The following GRID2 variants were observed in gnomAD, a reference collection of about 807,000 sequenced individuals.
GRID2 encodes glutamate receptor ionotropic, delta-2.
In GRID2, 33 loss-of-function variants were observed where a neutral mutation model predicts 114.8. The observed-to-expected ratio is 0.29, with a 90% CI of 0.22 to 0.38. The LOEUF (loss-of-function observed/expected upper bound fraction) is 0.38, where lower values mean the gene tolerates loss of function less well. Ranked by LOEUF, GRID2 falls within the 10% of genes least tolerant of loss-of-function variation. GRID2 has a pLI of 1.00. For synonymous variants in GRID2, 505 were observed against 449.9 expected (o/e 1.12, Z -1.55); for missense variants, 1,184 against 1,257.7 (o/e 0.94, Z 0.89).
rs1156659857 is a variant in GRID2, at chr4:93,422,771, G to A, written c.1348G>A (p.Glu450Lys). Residue 450 changes from glutamate to lysine, a missense_variant and splice_region_variant, in exon 10 of 16, where the codon GAA becomes AAA. Transcript: ENST00000282020. ...GVVLRVVTVL[E>K]EPFVMVSENV... Reference sequence around the variant, plus strand: ...AGAAATTTCTCTTATTTCCATGTAGGAAGAACCTTTTGTGATGGTCTCTGA... The same window carrying A: ...AGAAATTTCTCTTATTTCCATGTAGAAAGAACCTTTTGTGATGGTCTCTGA... 13 of 1,603,762 alleles carry A rather than the reference G, an allele frequency of 8.1e-6. No homozygotes were observed. In the South Asian group the frequency reaches 1.4e-4, roughly 18 times the overall value.
At chr4:92,580,078 T>A (rs1327876593) in intron 1 of GRID2, among the ~76,000 whole-genome samples, 1 of 148,848 alleles carries the variant, frequency 6.7e-6, no homozygotes, top group Non-Finnish European at 1.5e-5. Context: ...TATAGTATAA[T>A]TTGCTGTTAT....
At chr4:93,213,052 C>T (rs753354358) in intron 5 of GRID2, among the ~76,000 whole-genome samples, 12 of 152,068 alleles carry the variant, frequency 7.9e-5, no homozygotes, top group Non-Finnish European at 1.2e-4. Flanking sequence ...GGTTTACAGG[C>T]GTGAGCCACC....
At position 92,435,856 on chromosome 4, in the gene GRID2, T is replaced by G. The variant is rs180684194; in HGVS notation, c.88+131112T>G. Among the ~76,000 whole-genome samples, 261 of 152,294 alleles carry G rather than the reference T, an allele frequency of 1.7e-3. 1 individual carries two copies. The highest frequency in any genetic ancestry group is 6.1e-3 in the African/African-American group (254 of 41,574). ...AGACATAGGATATATTTGTCAGGAA[T>G]ATTGCATAGAGAGATTTTATCAGAG... On this transcript the variant is annotated intron_variant, in intron 1 of 15. Transcript: ENST00000282020.
At chr4:92,916,054 C>T (rs984557041) in intron 2 of GRID2, among the ~76,000 whole-genome samples, 23 of 152,052 alleles carry the variant, frequency 1.5e-4, no homozygotes, top group African/African-American at 4.1e-4. Flanking sequence ...CTTTGCGATG[C>T]GTAAACTCTT....
At chr4:92,565,008 T>C (rs745442250) in intron 1 of GRID2, among the ~76,000 whole-genome samples, 45 of 152,120 alleles carry the variant, frequency 3.0e-4, no homozygotes, top group Middle Eastern at 3.4e-3. Flanking sequence ...TATTAGCTTC[T>C]GTACCTGGAT....
At chr4:92,360,891 TAGATA>T (rs1018531236) in intron 1 of GRID2, among the ~76,000 whole-genome samples, 54 of 152,114 alleles carry the variant, frequency 3.5e-4, no homozygotes, top group African/African-American at 1.3e-3. Context: ...TTCATTTTTA[TAGATA>T]AGATATAGAT....
intron 1 of GRID2, among the ~76,000 whole-genome samples, chr4:92,527,547 A>T (rs1352333452): frequency 6.6e-6 from 1 of 152,150 alleles, no homozygotes; most frequent in Non-Finnish European, 1.5e-5. Flanking sequence ...CATCTGAGAT[A>T]CTAAAATAGC....
chr4:92,989,298 AAAAAT>A (rs1754715191), intron 2 of GRID2, among the ~76,000 whole-genome samples: 4 of 108,696 alleles, frequency 3.7e-5, no homozygotes, highest in Admixed American at 9.5e-5. Context: ...AAAAAAAAAA[AAAAAT>A]AATAATAATA....
chr4:92,947,806 C>A (rs1248523527), intron 2 of GRID2, among the ~76,000 whole-genome samples: 1 of 151,736 alleles, frequency 6.6e-6, no homozygotes, highest in Non-Finnish European at 1.5e-5. Context: ...ATGGCATCTG[C>A]ATCATATATA....
chr4:92,717,444 G>A (rs1391164060), intron 2 of GRID2, among the ~76,000 whole-genome samples: 1 of 152,106 alleles, frequency 6.6e-6, no homozygotes, highest in Non-Finnish European at 1.5e-5. Flanking sequence ...AGGCTGACAG[G>A]TGCCTGTCAA....
Position 93,626,427 on chromosome 4 carries a change from T to G in GRID2, c.2352T>G (p.Phe784Leu), listed in dbSNP as rs1438043139. 1 of 1,602,498 alleles carries G rather than the reference T, an allele frequency of 6.2e-7. No individual in the cohort carries two copies. The highest frequency in any genetic ancestry group is 2.2e-5 in the East Asian group (1 of 44,612). ...ATGGCAGTCCTTACCGAGATGTTTT[T>G]TCACAAAGGTAAGATTTGTGTATGA... ...LQHGSPYRDV[F>L]SQRILELQQN... Residue 784 changes from phenylalanine (F) to leucine (L), a missense_variant, in exon 14 of 16, where the codon TTT (phenylalanine) becomes TTG (leucine). By Grantham distance (22) the Phe-to-Leu change is conservative. Around this residue, in one of 3 missense-constraint regions of GRID2, gnomAD observed 717 missense variants for 796.9 expected, o/e 0.90. Coordinates refer to ENST00000282020, the MANE Select transcript of GRID2 (RefSeq NM_001510.4).
intron 8 of GRID2, among the ~76,000 whole-genome samples, chr4:93,261,185 C>T (rs1468565399): frequency 6.6e-6 from 1 of 151,762 alleles, no homozygotes; most frequent in Non-Finnish European, 1.5e-5. Context: ...AGCTCGGTTC[C>T]CAGAGATTAT....
chr4:93,473,227 G>C (rs190583169), intron 11 of GRID2, among the ~76,000 whole-genome samples: 1 of 151,792 alleles, frequency 6.6e-6, no homozygotes, highest in East Asian at 1.9e-4. Context: ...AATCATTCTA[G>C]TGGTTCAATC....
chr4:93,153,547 C>G (rs1177611875), intron 4 of GRID2, among the ~76,000 whole-genome samples: 1 of 152,032 alleles, frequency 6.6e-6, no homozygotes, highest in Non-Finnish European at 1.5e-5. Context: ...AGCAGTGAGG[C>G]AGCTGAGTTC....
At position 93,646,395 on chromosome 4, in the gene GRID2, TGTTTAAGGA is replaced by T. The variant is rs1482672530; in HGVS notation, c.2360+19961_2360+19969del. Among the ~76,000 whole-genome samples, 5 of 151,554 alleles carry T rather than the reference TGTTTAAGGA, an allele frequency of 3.3e-5. No individual in the cohort carries two copies. In the East Asian group the frequency reaches 9.7e-4, roughly 29 times the overall value. ...CCCTGCATTGGGAACCAGCTGGGAGTGTTTAAGGAATGACTAGGAGGCCAATGTTGACTC... is the reference window on the plus strand; with the variant it reads ...CCCTGCATTGGGAACCAGCTGGGAGTATGACTAGGAGGCCAATGTTGACTC... On this transcript the variant is annotated intron_variant, in intron 14 of 15. Transcript: ENST00000282020.
At chr4:93,790,488 G>GAAAA (rs1203004412) in intron 1 of GRID2, among the ~76,000 whole-genome samples, 1 of 151,346 alleles carries the variant, frequency 6.6e-6, no homozygotes, top group Non-Finnish European at 1.5e-5. Context: ...CAAAGGAAGG[G>GAAAA]AAAAGGTATA....
chr4:92,332,007 G>A (rs1385523998), intron 1 of GRID2, among the ~76,000 whole-genome samples: 1 of 152,142 alleles, frequency 6.6e-6, no homozygotes, highest in East Asian at 1.9e-4. Context: ...TAGTTGGTAA[G>A]GGGGTCACAC....
chr4:92,910,061 A>G (rs755922407), intron 2 of GRID2, among the ~76,000 whole-genome samples: 2 of 152,134 alleles, frequency 1.3e-5, no homozygotes, highest in Non-Finnish European at 2.9e-5. Context: ...GCTTGGTGGT[A>G]TGAAAATGAA....
intron 14 of GRID2, among the ~76,000 whole-genome samples, chr4:93,676,314 T>G (rs549143745): frequency 6.6e-6 from 1 of 152,198 alleles, no homozygotes; most frequent in Non-Finnish European, 1.5e-5. Flanking sequence ...TGTGAAAAAA[T>G]TTATTAGCTT....
Sources: gnomAD v4.1 joint callset for allele counts (sites outside exome capture counted in the v4.1 genomes callset) on GRCh38, gnomAD v4.1.1 for gene constraint, gnomAD v4.1.1 regional missense constraint, MANE v1.5 for transcripts, NCBI Gene and HGNC (gene_info 2026-07-23, HGNC 2026-07-21) for gene names.